SPMIP11: variants seen among roughly 807,000 people sequenced by gnomAD.
SPMIP11 encodes long intergenic non-protein coding RNA 935.
chr12:48,769,728 A>G, the SPMIP11 span, among the ~76,000 whole-genome samples: 2 of 149,738 alleles, frequency 1.3e-5, no homozygotes, highest in Admixed American at 6.7e-5. Context: ...CTGGGATTAC[A>G]GACATGTACC....
the SPMIP11 span, chr12:48,769,090 G>GT: frequency 6.3e-7 from 1 of 1,591,496 alleles, no homozygotes; most frequent in Non-Finnish European, 8.6e-7. Context: ...CAAGAGACTA[G>GT]TGGATGCTCC....
chr12:48,763,567 A>T, the SPMIP11 span, among the ~76,000 whole-genome samples: 1 of 152,224 alleles, frequency 6.6e-6, no homozygotes, highest in South Asian at 2.1e-4. Context: ...TTTTAAAAAA[A>T]TTATTATAAA....
At chr12:48,764,743 CG>C in the SPMIP11 span, 1 of 622,678 alleles carries the variant, frequency 1.6e-6, no homozygotes, top group South Asian at 1.9e-5. Flanking sequence ...GCACCTGGTC[CG>C]GCCAAGCAGT....
At chr12:48,764,178 G>A in the SPMIP11 span, among the ~76,000 whole-genome samples, 4 of 148,874 alleles carry the variant, frequency 2.7e-5, no homozygotes, top group South Asian at 2.1e-4. Context: ...TAGTAGAGAC[G>A]GGGTTTCTCC....
chr12:48,737,356 G>A, the SPMIP11 span, among the ~76,000 whole-genome samples: 1 of 151,336 alleles, frequency 6.6e-6, no homozygotes, highest in Non-Finnish European at 1.5e-5. Context: ...CACTCCATGA[G>A]CTCTTTCATT....
chr12:48,744,208 A>T, the SPMIP11 span, among the ~76,000 whole-genome samples: 1 of 147,810 alleles, frequency 6.8e-6, no homozygotes, highest in African/African-American at 2.5e-5. Flanking sequence ...AGATCGTGCC[A>T]TTGCACTCCA....
the SPMIP11 span, chr12:48,765,830 G>C: frequency 3.3e-6 from 2 of 602,838 alleles, no homozygotes; most frequent in South Asian, 3.8e-5. Context: ...GGTCAGGATG[G>C]GAGTGATTCC....
chr12:48,732,010 G>A, the SPMIP11 span, among the ~76,000 whole-genome samples: 2,374 of 152,006 alleles, frequency 0.016, 63 homozygotes, highest in African/African-American at 0.054. Context: ...TTAGCCAGGG[G>A]TGGTGGCACA....
At chr12:48,749,936 C>G in the SPMIP11 span, among the ~76,000 whole-genome samples, 1 of 151,798 alleles carries the variant, frequency 6.6e-6, no homozygotes, top group Non-Finnish European at 1.5e-5. Flanking sequence ...CGTGATCCGC[C>G]TGCCTCGGCC....
chr12:48,756,996 A>G, the SPMIP11 span, among the ~76,000 whole-genome samples: 1 of 152,028 alleles, frequency 6.6e-6, no homozygotes, highest in Non-Finnish European at 1.5e-5. Context: ...GGCTGGTCTC[A>G]AACTTCTGAC....
the SPMIP11 span, among the ~76,000 whole-genome samples, chr12:48,745,691 G>A: frequency 6.6e-6 from 1 of 152,296 alleles, no homozygotes; most frequent in Non-Finnish European, 1.5e-5. Context: ...ATTCTTAGCA[G>A]GGTTTTGCAA....
the SPMIP11 span, chr12:48,770,868 C>T: frequency 6.2e-7 from 1 of 1,614,092 alleles, no homozygotes; most frequent in South Asian, 1.1e-5. Context: ...TGGGAGCGGC[C>T]CACCTGATCG....
the SPMIP11 span, among the ~76,000 whole-genome samples, chr12:48,731,281 A>G: frequency 6.6e-6 from 1 of 152,210 alleles, no homozygotes; most frequent in East Asian, 1.9e-4. Flanking sequence ...TCATGAGGTC[A>G]GGAGATCGAT....
the SPMIP11 span, among the ~76,000 whole-genome samples, chr12:48,730,446 C>T: frequency 6.6e-6 from 1 of 152,124 alleles, no homozygotes; most frequent in Non-Finnish European, 1.5e-5. Flanking sequence ...GTTACTCTCG[C>T]AAAATATGGA....
the SPMIP11 span, among the ~76,000 whole-genome samples, chr12:48,749,971 G>T: frequency 2.0e-5 from 3 of 151,642 alleles, no homozygotes; most frequent in Non-Finnish European, 4.4e-5. Context: ...GATTACAGGC[G>T]TGAGCCACCA....
At chr12:48,736,725 C>T in the SPMIP11 span, among the ~76,000 whole-genome samples, 1 of 151,362 alleles carries the variant, frequency 6.6e-6, no homozygotes, top group African/African-American at 2.4e-5. Flanking sequence ...TGGCTTACTC[C>T]CTCCTGTTCC....
chr12:48,746,555 C>T, the SPMIP11 span, among the ~76,000 whole-genome samples: 6 of 151,582 alleles, frequency 4.0e-5, no homozygotes, highest in Non-Finnish European at 5.9e-5. Flanking sequence ...TTAGTAGGGA[C>T]GGGGTTTCAC....
the SPMIP11 span, chr12:48,765,550 A>G: frequency 1.4e-6 from 1 of 701,692 alleles, no homozygotes; most frequent in Non-Finnish European, 2.6e-6. Flanking sequence ...ATTTTTAAGG[A>G]TCTCCTGCTC....
chr12:48,761,757 C>T, the SPMIP11 span, among the ~76,000 whole-genome samples: 2 of 127,300 alleles, frequency 1.6e-5, no homozygotes, highest in Non-Finnish European at 3.2e-5. Context: ...TAGGGTCTCA[C>T]TCTGTTGCCC....
Sources: gnomAD v4.1 joint callset for allele counts (sites outside exome capture counted in the v4.1 genomes callset) on GRCh38, gnomAD v4.1.1 for gene constraint, MANE v1.5 for transcripts, NCBI Gene and HGNC (gene_info 2026-07-23, HGNC 2026-07-21) for gene names.